Variants in SGCZ observed in about 807,000 individuals in gnomAD.
The protein encoded by SGCZ is sarcoglycan zeta.
In SGCZ, 40 loss-of-function variants were observed where a neutral mutation model predicts 41.3. That is an observed-to-expected ratio of 0.97 (90% CI 0.75 to 1.26). The LOEUF (loss-of-function observed/expected upper bound fraction) is 1.26, where lower values mean the gene tolerates loss of function less well. Ranked by LOEUF, SGCZ falls within the 50% of genes most tolerant of loss-of-function variation. The probability of loss-of-function intolerance (pLI) is 0.00; values close to 1 mark genes in which losing one functional copy is unlikely to be tolerated. For synonymous variants in SGCZ, 206 were observed against 137.5 expected (o/e 1.50, Z -3.49); for missense variants, 552 against 369.8 (o/e 1.49, Z -4.04).
intron 7 of SGCZ, among the ~76,000 whole-genome samples, chr8:14,095,391 C>A (rs1202473754): frequency 6.6e-6 from 1 of 152,108 alleles, no homozygotes; most frequent in African/African-American, 2.4e-5. Flanking sequence ...ATCCTTTTCC[C>A]ATTGCTTGTT....
At chr8:14,949,682 A>G (rs1800566705) in intron 1 of SGCZ, among the ~76,000 whole-genome samples, 1 of 152,088 alleles carries the variant, frequency 6.6e-6, no homozygotes, top group South Asian at 2.1e-4. Context: ...GCCTAAATAA[A>G]GGCAAACAAA....
chr8:14,293,083 C>G (rs1190179329), intron 3 of SGCZ, among the ~76,000 whole-genome samples: 1 of 151,856 alleles, frequency 6.6e-6, no homozygotes, highest in Non-Finnish European at 1.5e-5. Flanking sequence ...ACAAATTTTT[C>G]AAAAGTGATC....
intron 3 of SGCZ, chr8:14,309,624 G>A: frequency 6.2e-7 from 1 of 1,610,882 alleles, no homozygotes; most frequent in Middle Eastern, 2.3e-4. Context: ...GTCCCACGCA[G>A]ACACAGCTAC....
At chr8:14,738,782 T>C (rs911937816) in intron 1 of SGCZ, among the ~76,000 whole-genome samples, 1 of 151,922 alleles carries the variant, frequency 6.6e-6, no homozygotes, top group Non-Finnish European at 1.5e-5. Context: ...CCCTACTAAC[T>C]ATGCCGTTGA....
chr8:14,869,693 T>C (rs544280239), intron 1 of SGCZ, among the ~76,000 whole-genome samples: 1 of 152,244 alleles, frequency 6.6e-6, no homozygotes, highest in East Asian at 1.9e-4. Flanking sequence ...GAAAACCCCA[T>C]TGTCTCAGCC....
chr8:14,760,694 G>C (rs2130353388), intron 1 of SGCZ, among the ~76,000 whole-genome samples: 1 of 152,230 alleles, frequency 6.6e-6, no homozygotes, highest in Non-Finnish European at 1.5e-5. Context: ...TCTGTGAAAA[G>C]AACACTGGAT....
At chr8:15,120,715 C>T (rs1024986650) in intron 1 of SGCZ, among the ~76,000 whole-genome samples, 1 of 152,164 alleles carries the variant, frequency 6.6e-6, no homozygotes, top group Non-Finnish European at 1.5e-5. Flanking sequence ...TGGTCTACTT[C>T]ACAAAGCTAT....
In SGCZ at chr8:15,092,588, G is replaced by C. The variant is rs78081632; in HGVS notation, c.39+144997C>G. 8.8e-3 allele frequency among the ~76,000 whole-genome samples: 1,332 copies of C among 152,214 alleles called. 27 individuals carry two copies. Among genetic ancestry groups the C allele is most frequent in the African/African-American group, 0.031 (1,284 of 41,534 alleles). On this transcript the variant is annotated intron_variant, in intron 1 of 7. Transcript: ENST00000382080. Reference sequence around the variant, plus strand: ...AAATAAATTCTTTAAAATCTGTTTTGTATATTAACATCTGGATACTTCAGA... The same window carrying C: ...AAATAAATTCTTTAAAATCTGTTTTCTATATTAACATCTGGATACTTCAGA...
At chr8:14,511,967 G>C (rs1412932784) in intron 2 of SGCZ, among the ~76,000 whole-genome samples, 1 of 152,032 alleles carries the variant, frequency 6.6e-6, no homozygotes, top group African/African-American at 2.4e-5. Flanking sequence ...GGAAATAATA[G>C]CTGAACTCTG....
chr8:14,960,354 C>A (rs1800924875), intron 1 of SGCZ, among the ~76,000 whole-genome samples: 1 of 150,926 alleles, frequency 6.6e-6, no homozygotes, highest in African/African-American at 2.5e-5. Flanking sequence ...AGTGGCCTCT[C>A]TGATTTTTTT....
chr8:14,635,187 T>C (rs1806788775), intron 1 of SGCZ, among the ~76,000 whole-genome samples: 1 of 151,914 alleles, frequency 6.6e-6, no homozygotes, highest in South Asian at 2.1e-4. Flanking sequence ...AAAATAGATA[T>C]TCGTCATAAA....
At chr8:14,195,392 A>G (rs867478732) in intron 4 of SGCZ, among the ~76,000 whole-genome samples, 2 of 152,156 alleles carry the variant, frequency 1.3e-5, no homozygotes, top group African/African-American at 2.4e-5. Flanking sequence ...TAAAAAAATG[A>G]GAATTCAGTG....
chr8:14,704,798 A>G (rs1456953282), intron 1 of SGCZ, among the ~76,000 whole-genome samples: 2 of 151,998 alleles, frequency 1.3e-5, no homozygotes, highest in Non-Finnish European at 2.9e-5. Context: ...ACACAAAAAA[A>G]CAAACAACAA....
chr8:14,122,518 T>C (rs1379616616), intron 5 of SGCZ, among the ~76,000 whole-genome samples: 1 of 152,178 alleles, frequency 6.6e-6, no homozygotes, highest in African/African-American at 2.4e-5. Flanking sequence ...AAAATGTTCA[T>C]CAATAGGGAA....
intron 1 of SGCZ, among the ~76,000 whole-genome samples, chr8:14,603,661 G>C (rs938691749): frequency 6.6e-6 from 1 of 152,088 alleles, no homozygotes; most frequent in Admixed American, 6.5e-5. Flanking sequence ...ATGCAATTTA[G>C]ATATGATTGA....
intron 7 of SGCZ, among the ~76,000 whole-genome samples, chr8:14,094,054 A>C (rs1801769383): frequency 6.6e-6 from 1 of 151,984 alleles, no homozygotes; most frequent in African/African-American, 2.4e-5. Context: ...CTAAGTTACA[A>C]ACCCACCTCC....
intron 1 of SGCZ, among the ~76,000 whole-genome samples, chr8:15,076,305 T>C (rs1224784176): frequency 6.6e-6 from 1 of 151,910 alleles, no homozygotes; most frequent in Non-Finnish European, 1.5e-5. Flanking sequence ...GTGTTAGAGG[T>C]GATATGGGTA....
At chr8:14,860,184 G>A (rs1313556054) in intron 1 of SGCZ, among the ~76,000 whole-genome samples, 3 of 148,762 alleles carry the variant, frequency 2.0e-5, no homozygotes, top group Non-Finnish European at 4.4e-5. Context: ...GCTACACAAA[G>A]TCTTTTTTTT....
chr8:15,237,531 G>A, intron 1 of SGCZ, 54 bp downstream of exon 1: 13 of 1,561,094 alleles, frequency 8.3e-6, no homozygotes, highest in East Asian at 2.3e-5. Context: ...AAGGAGAGGG[G>A]AGAGCAGGGA....
Sources: gnomAD v4.1 joint callset for allele counts (sites outside exome capture counted in the v4.1 genomes callset) on GRCh38, gnomAD v4.1.1 for gene constraint, MANE v1.5 for transcripts, NCBI Gene and HGNC (gene_info 2026-07-23, HGNC 2026-07-21) for gene names.